Variants in ENPEP observed in about 807,000 individuals in gnomAD.
ENPEP encodes AP-A.
In ENPEP, 103 loss-of-function variants were observed where a neutral mutation model predicts 114.5. The observed-to-expected ratio is 0.90, with a 90% confidence interval of 0.77 to 1.06. The LOEUF is 1.06. Among genes scored for constraint, ENPEP ranks in the 50% least tolerant of loss-of-function variants. The pLI is 0.00. For synonymous variants in ENPEP, 420 were observed against 422.0 expected, an observed-to-expected ratio of 1.00 and a Z score of 0.06; for missense variants, 1,196 against 1,161.3, an observed-to-expected ratio of 1.03 and a Z score of -0.43.
At chr4:110,488,520 G>A in intron 1 of ENPEP, 21 bp from the exon 2 acceptor site, 1 of 1,590,654 alleles carries the variant, frequency 6.3e-7, no homozygotes, top group Non-Finnish European at 8.5e-7. Flanking sequence ...CATTTCGTTT[G>A]TTTGTTTGTT....
chr4:110,529,308 A>G (rs894782565), intron 10 of ENPEP, among the ~76,000 whole-genome samples: 8 of 152,212 alleles, frequency 5.3e-5, no homozygotes, highest in African/African-American at 1.9e-4. Flanking sequence ...TGAGGTATAT[A>G]GGTAAGATGT....
In ENPEP at chr4:110,491,054, A is replaced by G. The variant is rs1275431255; in HGVS notation, c.808A>G (p.Lys270Glu). Residue 270 changes from lysine (K) to glutamate (E), a missense_variant, in exon 3 of 20, where the codon AAA becomes GAA. By Grantham distance (56) the Lys-to-Glu change is moderately conservative. Transcript: ENST00000265162. ...PVAKEESVDD[K>E]WTRTTFEKSV... ...ATAGAAAGAAGAGTCAGTGGATGAT[A>G]AATGGACTCGAACAACTTTTGAGAA... 3 of 1,610,506 alleles carry G rather than the reference A, an allele frequency of 1.9e-6. No homozygotes were observed. Among genetic ancestry groups the G allele is most frequent in the Admixed American group, 3.4e-5 (2 of 59,230 alleles).
rs547266643 is a variant in ENPEP, at chr4:110,497,236, C to T, written c.918+6072C>T. ...TATGGTCATTTCATTATTTTAAAAACTTATTTTGGCTGTGGCTTTGCTAAG... is the reference window on the plus strand; with the variant it reads ...TATGGTCATTTCATTATTTTAAAAATTTATTTTGGCTGTGGCTTTGCTAAG... On this transcript the variant is annotated intron_variant, in intron 3 of 19. Coordinates refer to ENST00000265162, the MANE Select transcript of ENPEP (RefSeq NM_001977.4). Among the ~76,000 whole-genome samples, 369 of 152,192 alleles carry T rather than the reference C, an allele frequency of 2.4e-3. 1 individual carries two copies. The highest frequency in any genetic ancestry group is 8.5e-3 in the African/African-American group (351 of 41,536).
chr4:110,481,622 C>G (rs765362109), intron 1 of ENPEP, among the ~76,000 whole-genome samples: 1 of 152,214 alleles, frequency 6.6e-6, no homozygotes, highest in Non-Finnish European at 1.5e-5. Flanking sequence ...CTCCCATAAA[C>G]GAGCCTAACT....
intron 5 of ENPEP, 151 bp downstream of exon 5, chr4:110,509,958 C>A: frequency 1.7e-6 from 2 of 1,162,316 alleles, no homozygotes; most frequent in Non-Finnish European, 2.4e-6. Context: ...AAACATTTAG[C>A]CATAAAGAGA....
chr4:110,498,234 C>A (rs898279122), intron 3 of ENPEP, among the ~76,000 whole-genome samples: 1 of 152,088 alleles, frequency 6.6e-6, no homozygotes. Context: ...GTTTTCAGGT[C>A]TTTCTTGGTG....
At chr4:110,513,223 A>C (rs1196503620) in intron 6 of ENPEP, 192 bp from the exon 7 acceptor site, 1 of 463,914 alleles carries the variant, frequency 2.2e-6, no homozygotes, top group Non-Finnish European at 3.5e-6. Context: ...AAAAGGAATT[A>C]GAAGTAGAAG....
At chr4:110,547,519 G>T (rs1727112036) in intron 13 of ENPEP, among the ~76,000 whole-genome samples, 1 of 152,070 alleles carries the variant, frequency 6.6e-6, no homozygotes, top group Admixed American at 6.6e-5. Flanking sequence ...ACAGGACAGG[G>T]AAGTGGGGAA....
At chr4:110,500,777 T>C (rs2110345776) in intron 3 of ENPEP, among the ~76,000 whole-genome samples, 1 of 152,248 alleles carries the variant, frequency 6.6e-6, no homozygotes, top group South Asian at 2.1e-4. Context: ...ATGTCAATTA[T>C]TAAATAATGA....
chr4:110,494,539 T>C (rs1400273974), intron 3 of ENPEP, among the ~76,000 whole-genome samples: 1 of 152,188 alleles, frequency 6.6e-6, no homozygotes, highest in Non-Finnish European at 1.5e-5. Context: ...TGATTCAACT[T>C]GCTTGGGTAT....
At chr4:110,550,341 C>A (rs1727241589) in intron 17 of ENPEP, among the ~76,000 whole-genome samples, 1 of 152,082 alleles carries the variant, frequency 6.6e-6, no homozygotes, top group Non-Finnish European at 1.5e-5. Context: ...GGTCACCCTT[C>A]ATCATTGTGA....
chr4:110,498,713 A>G (rs1197668721), intron 3 of ENPEP, among the ~76,000 whole-genome samples: 4 of 152,168 alleles, frequency 2.6e-5, no homozygotes, highest in African/African-American at 9.6e-5. Flanking sequence ...TGACGGTGGC[A>G]GTGGTAACGG....
At chr4:110,504,858 A>G (rs768412471) in intron 3 of ENPEP, among the ~76,000 whole-genome samples, 1 of 152,208 alleles carries the variant, frequency 6.6e-6, no homozygotes, top group Non-Finnish European at 1.5e-5. Context: ...TCTCCTTCCC[A>G]TTGCTCCACC....
chr4:110,521,751 T>C (rs1725998202), intron 10 of ENPEP, among the ~76,000 whole-genome samples: 1 of 152,070 alleles, frequency 6.6e-6, no homozygotes. Context: ...AAAGAATTAA[T>C]AGACCAACTA....
In ENPEP at chr4:110,515,419, G is replaced by T. The variant is rs1261533044; in HGVS notation, c.1486G>T (p.Glu496Ter). ...LRMLEDWIKPENFQKGCQMYL... is the reference protein window; with the variant it reads ...LRMLEDWIKP ...AATGCTTGAAGACTGGATAAAACCAGAGAATTTTCAAAAAGGATGTCAGGT... is the reference window on the plus strand; with the variant it reads ...AATGCTTGAAGACTGGATAAAACCATAGAATTTTCAAAAAGGATGTCAGGT... The change falls in exon 8 of 20, where the codon GAG becomes TAG. Residue 496 changes from glutamate (E) to a stop codon, truncating the protein, a stop_gained. Coordinates refer to ENST00000265162, the MANE Select transcript of ENPEP (RefSeq NM_001977.4). LOFTEE classifies it high-confidence loss of function. 1.3e-6 allele frequency: 2 copies of T among 1,589,898 alleles called. No homozygotes were observed. Among genetic ancestry groups the T allele is most frequent in the East Asian group, 2.2e-5 (1 of 44,560 alleles).
chr4:110,476,240 G>A lies in ENPEP; in HGVS notation c.-175G>A, dbSNP rs553323124. 4 of 708,646 alleles carry A rather than the reference G, an allele frequency of 5.6e-6. No homozygotes were observed. Among genetic ancestry groups the A allele is most frequent in the Non-Finnish European group, 6.6e-6 (3 of 456,916 alleles). The allele number at this position is 708,646 out of a possible 1,614,324, so 43.9% of individuals were successfully genotyped here. On this transcript the variant is annotated 5_prime_UTR_variant, in exon 1 of 20. Coordinates refer to ENST00000265162, the MANE Select transcript of ENPEP (RefSeq NM_001977.4). The stretch of plus-strand genomic sequence containing the variant: ...TCCGCATTCATCCTGAGTGGCTGGT[G>A]GGAACGTGAAAAGGGAGAGGAAAAG...
chr4:110,509,744 G>A lies in ENPEP; in HGVS notation c.1131G>A (p.Lys377=). 1 of 1,614,196 alleles carries A rather than the reference G, an allele frequency of 6.2e-7. No individual in the cohort carries two copies. The highest frequency in any genetic ancestry group is 8.5e-7 in the Non-Finnish European group (1 of 1,180,028). Residue 377 remains lysine, a synonymous_variant, in exon 5 of 20, where the codon AAG becomes AAA. Coordinates refer to ENST00000265162, the MANE Select transcript of ENPEP (RefSeq NM_001977.4). ...AAACGAACCTGCTTTATGACCCTAA[G>A]GAATCAGCCTCATCAAACCAACAGA... ...YRETNLLYDP[K]ESASSNQQRV... is the part of the protein sequence containing the mutation.
At position 110,561,511 on chromosome 4, in the gene ENPEP, A is replaced by G. The variant is rs1256291541; in HGVS notation, c.2827A>G (p.Arg943Gly). 7.4e-6 allele frequency: 12 copies of G among 1,613,900 alleles called. 1 individual carries two copies. In the South Asian group the frequency reaches 1.3e-4, roughly 18 times the overall value. The change falls in exon 20 of 20, where the codon AGA becomes GGA. Residue 943 changes from arginine (R) to glycine (G), a missense_variant. Coordinates refer to ENST00000265162, the MANE Select transcript of ENPEP (RefSeq NM_001977.4). ...CAATATAGAGTGGCTAAAACAACAT[A>G]GAAACACCATCAGAGAATGGTTTTT... ...KNNIEWLKQH[R>G]NTIREWFFNL...
intron 1 of ENPEP, among the ~76,000 whole-genome samples, chr4:110,478,366 A>G (rs1430187919): frequency 2.6e-5 from 4 of 152,120 alleles, no homozygotes; most frequent in Non-Finnish European, 5.9e-5. Context: ...CCATTTACGT[A>G]TTTTTTCTGT....
Sources: allele counts gnomAD v4.1 joint callset (sites outside exome capture counted in the v4.1 genomes callset), GRCh38; gene constraint gnomAD v4.1.1; transcripts MANE v1.5; gene names NCBI Gene and HGNC (gene_info 2026-07-23, HGNC 2026-07-21).